The following SVIL variants were observed in gnomAD, a reference collection of about 807,000 sequenced individuals.
SVIL encodes the protein archvillin.
Under a neutral mutation model 240.4 loss-of-function variants are expected in SVIL, and 101 were observed. The ratio of observed to expected loss-of-function variants is 0.42; its 90% CI spans 0.36 to 0.50. SVIL has a LOEUF of 0.50. Among genes scored for constraint, SVIL ranks in the 20% least tolerant of loss-of-function variants. The pLI is 0.01. For synonymous variants in SVIL, 999 were observed against 1,100.0 expected (o/e 0.91, Z 1.82); for missense variants, 2,512 against 2,818.7 (o/e 0.89, Z 2.46).
chr10:29,536,067 G>A lies in SVIL; in HGVS notation c.830C>T (p.Thr277Ile). Residue 277 changes from threonine (T) to isoleucine (I), a missense_variant and splice_region_variant, in exon 7 of 38, where the codon ACA becomes ATA. Around this residue, in one of 3 missense-constraint regions of SVIL, gnomAD observed 1,443 missense variants for 1,486.6 expected, o/e 0.97. Transcript: ENST00000355867. ...PQLSPEARPSTGKPKHEWFLQ... is the reference protein window; with the variant it reads ...PQLSPEARPSIGKPKHEWFLQ... ...AAACCACTCATGTTTGGGTTTCCCT[G>A]TACTATTGTGTACAAAAAACAAAAC... 6.2e-7 allele frequency: 1 copy of A among 1,614,126 alleles called. No individual in the cohort carries two copies.
chr10:29,658,853 T>C (rs1482461266), intron 2 of SVIL, among the ~76,000 whole-genome samples: 2 of 152,164 alleles, frequency 1.3e-5, no homozygotes, highest in Admixed American at 1.3e-4. Context: ...TTGAAATTCA[T>C]CACGAAGTTG....
intron 18 of SVIL, among the ~76,000 whole-genome samples, chr10:29,497,272 A>G (rs1446782044): frequency 6.6e-6 from 1 of 152,228 alleles, no homozygotes; most frequent in African/African-American, 2.4e-5. Flanking sequence ...GAGAAAAAGA[A>G]AAGCTAAGCC....
chr10:29,700,019 T>G (rs1736783629), intron 1 of SVIL, among the ~76,000 whole-genome samples: 1 of 152,200 alleles, frequency 6.6e-6, no homozygotes, highest in South Asian at 2.1e-4. Context: ...CAGAATTGGT[T>G]TTTTTCTTCA....
rs150813058 is a variant in SVIL at position 29,582,554 on chromosome 10, T to C, written c.-200-13242A>G. On this transcript the variant is annotated intron_variant, in intron 1 of 37. Transcript: ENST00000355867. ...GAGTTAGAGACCAGCCTGGGCAACA[T>C]AGTGAGACCCCCATCTTTACCAAAA... is the stretch of plus-strand genomic sequence containing the variant. Among the ~76,000 whole-genome samples, 355 of 152,052 alleles carry C rather than the reference T, an allele frequency of 2.3e-3. 1 individual carries two copies. Among genetic ancestry groups the C allele is most frequent in the African/African-American group, 8.1e-3 (336 of 41,470 alleles).
intron 3 of SVIL, among the ~76,000 whole-genome samples, chr10:29,556,473 T>C (rs1953947414): frequency 6.6e-6 from 1 of 152,216 alleles, no homozygotes; most frequent in South Asian, 2.1e-4. Context: ...CAAAGTTTTA[T>C]ATTGCCCTTT....
In SVIL at chr10:29,673,586, AGAG is replaced by A. The variant is rs1564751968; in HGVS notation, c.-301+12964_-301+12966del. On this transcript the variant is annotated intron_variant, in intron 2 of 35. Coordinates refer to the SVIL transcript ENST00000375400. ...TCTTACATGGCATTAGGGGGGAGAGAGAGAGAGAGAGAGAGAGAGCTAGGGGGG... is the reference window on the plus strand; with the variant it reads ...TCTTACATGGCATTAGGGGGGAGAGAAGAGAGAGAGAGAGAGCTAGGGGGG... Among the ~76,000 whole-genome samples the A allele has an allele frequency of 5.7e-3, 832 of 146,422 alleles. 9 individuals carry two copies. The highest frequency in any genetic ancestry group is 0.02 in the African/African-American group (784 of 39,074).
chr10:29,683,475 A>G (rs1199117680), intron 2 of SVIL, among the ~76,000 whole-genome samples: 1 of 152,220 alleles, frequency 6.6e-6, no homozygotes, highest in Admixed American at 6.5e-5. Flanking sequence ...GGAGGGTATC[A>G]TGAGGCATGT....
intron 17 of SVIL, among the ~76,000 whole-genome samples, chr10:29,500,808 C>T (rs1029349466): frequency 5.0e-4 from 76 of 152,234 alleles, no homozygotes; most frequent in Non-Finnish European, 9.9e-4. Context: ...TTCTCTTCCC[C>T]GATGCCTTTC....
At chr10:29,602,680 A>AT (rs1442751692) in intron 1 of SVIL, among the ~76,000 whole-genome samples, 1 of 152,260 alleles carries the variant, frequency 6.6e-6, no homozygotes, top group East Asian at 1.9e-4. Flanking sequence ...ACTAAATATA[A>AT]TTTTTTTAAA....
intron 4 of SVIL, 47 bp downstream of exon 4, chr10:29,555,004 T>C: frequency 6.2e-7 from 1 of 1,611,928 alleles, no homozygotes; most frequent in Non-Finnish European, 8.5e-7. Flanking sequence ...GAATACTGCT[T>C]TGCCAAGCTC....
At chr10:29,467,507 C>G (rs1945062201) in intron 33 of SVIL, among the ~76,000 whole-genome samples, 1 of 152,120 alleles carries the variant, frequency 6.6e-6, no homozygotes, top group Non-Finnish European at 1.5e-5. Context: ...GGACATAATA[C>G]TCATCACACT....
intron 17 of SVIL, among the ~76,000 whole-genome samples, chr10:29,505,315 A>G (rs575060831): frequency 3.7e-4 from 56 of 152,194 alleles, no homozygotes; most frequent in African/African-American, 1.3e-3. Flanking sequence ...AACAGAGTGA[A>G]ACTCCATCTC....
chr10:29,617,600 G>GA (rs1399940700), intron 1 of SVIL, among the ~76,000 whole-genome samples: 18 of 149,344 alleles, frequency 1.2e-4, no homozygotes, highest in Non-Finnish European at 1.6e-4. Context: ...AAGAAAGAAA[G>GA]AAAAAAAAAG....
chr10:29,685,119 T>C (rs1420370974), intron 2 of SVIL, among the ~76,000 whole-genome samples: 1 of 152,192 alleles, frequency 6.6e-6, no homozygotes, highest in Non-Finnish European at 1.5e-5. Flanking sequence ...CCCCTCCTAG[T>C]ATCCAGGTGT....
In SVIL at chr10:29,554,820, T is replaced by G. The variant is rs746038702; in HGVS notation, c.123A>C (p.Arg41=). ...THRLLEEDTP[R]YMRASDPASP... ...TGGCAGGGTCGCTGGCTCTCATGTA[T>G]CGAGGGGTGTCTTCCTCCAGCAGGC... The change falls in exon 5 of 38, where the codon CGA becomes CGC. Residue 41 remains arginine (R), a synonymous_variant. Transcript: ENST00000355867. The G allele has an allele frequency of 6.2e-7, 1 of 1,613,286 alleles. No homozygotes were observed. The highest frequency in any genetic ancestry group is 1.7e-5 in the Admixed American group (1 of 59,892).
chr10:29,526,566 G>A (rs1428959735), intron 13 of SVIL, among the ~76,000 whole-genome samples: 1 of 152,126 alleles, frequency 6.6e-6, no homozygotes, highest in Non-Finnish European at 1.5e-5. Flanking sequence ...GCCTCTCAAA[G>A]TGCTGGGATT....
chr10:29,609,654 C>T (rs1373468565), intron 1 of SVIL, among the ~76,000 whole-genome samples: 2 of 152,216 alleles, frequency 1.3e-5, no homozygotes, highest in Non-Finnish European at 2.9e-5. Context: ...CACCACATTC[C>T]CCTCATCCAG....
chr10:29,619,139 C>G (rs962026499), intron 1 of SVIL, among the ~76,000 whole-genome samples: 2 of 152,198 alleles, frequency 1.3e-5, no homozygotes, highest in Non-Finnish European at 2.9e-5. Context: ...TCTTAGAGGA[C>G]TGACAGAAGT....
intron 17 of SVIL, chr10:29,507,851 G>T (rs1326743830): frequency 1.1e-6 from 1 of 925,600 alleles, no homozygotes; most frequent in African/African-American, 1.8e-5. Flanking sequence ...GGTGAAAAGA[G>T]AAGATTTATC....
Sources: gnomAD v4.1 joint callset for allele counts (sites outside exome capture counted in the v4.1 genomes callset) on GRCh38, gnomAD v4.1.1 for gene constraint, gnomAD v4.1.1 regional missense constraint, MANE v1.5 for transcripts, NCBI Gene and HGNC (gene_info 2026-07-23, HGNC 2026-07-21) for gene names.